The following SRSF4 variants were observed in gnomAD, a reference collection of about 807,000 sequenced individuals.
The protein encoded by SRSF4 is serine/arginine-rich splicing factor 4.
A neutral mutation model predicts 48.8 loss-of-function variants in SRSF4; 12 were observed. That is an observed-to-expected ratio of 0.25 (90% CI 0.16 to 0.40). SRSF4 has a LOEUF of 0.40. SRSF4 is among the 10% of genes least tolerant of loss of function. The probability of loss-of-function intolerance (pLI) is 1.00; values close to 1 mark genes in which losing one functional copy is unlikely to be tolerated. For missense variants in SRSF4, 466 were observed against 667.1 expected (o/e 0.70, Z 3.32); for synonymous variants, 248 against 232.5 (o/e 1.07, Z -0.61).
intron 1 of SRSF4, among the ~76,000 whole-genome samples, chr1:29,161,956 T>G (rs182134092): frequency 6.6e-6 from 1 of 152,358 alleles, no homozygotes; most frequent in East Asian, 1.9e-4. Flanking sequence ...AACTCAGAAT[T>G]GTGGAATTTT....
intron 1 of SRSF4, chr1:29,172,059 CAGAAAAAAATTAAATTCCCCATATATTGG>C (rs1420062683): frequency 1.3e-5 from 2 of 149,224 alleles, no homozygotes; most frequent in East Asian, 4.7e-4. Context: ...TTCAAAATGA[CAGAAAAAAATTAAATTCCCCATATATTGG>C]GGGAAAAAAA....
At chr1:29,176,236 A>G (rs1430387408) in intron 1 of SRSF4, among the ~76,000 whole-genome samples, 3 of 152,154 alleles carry the variant, frequency 2.0e-5, no homozygotes, top group South Asian at 2.1e-4. Flanking sequence ...TGGGCGACAG[A>G]GCAAGACTCC....
Position 29,148,602 on chromosome 1 carries a change from A to C in SRSF4, c.1293T>G (p.Ser431Arg). ...ESSQREGRGESENAGTNQETR... is the reference protein window; with the variant it reads ...ESSQREGRGERENAGTNQETR... The stretch of plus-strand genomic sequence containing the variant: ...TCTCCTGATTGGTGCCAGCATTCTC[A>C]CTCTCTCCTCGACCTTCCCTCTGGC... Residue 431 changes from serine to arginine, a missense_variant, in exon 6 of 6, where the codon AGT becomes AGG. Ser to Arg is a moderately radical substitution (Grantham distance 110). Coordinates refer to ENST00000373795, the MANE Select transcript of SRSF4 (RefSeq NM_005626.5). 1 of 1,613,440 alleles carries C rather than the reference A, an allele frequency of 6.2e-7. No individual in the cohort carries two copies. The highest frequency in any genetic ancestry group is 8.5e-7 in the Non-Finnish European group (1 of 1,179,836).
At chr1:29,174,583 T>C (rs1485713676) in intron 1 of SRSF4, among the ~76,000 whole-genome samples, 1 of 150,584 alleles carries the variant, frequency 6.6e-6, no homozygotes, top group African/African-American at 2.4e-5. Flanking sequence ...AACAAGCAAA[T>C]TATAAAATAA....
chr1:29,167,837 AT>A (rs1163728057), intron 1 of SRSF4, among the ~76,000 whole-genome samples: 1 of 152,176 alleles, frequency 6.6e-6, no homozygotes, highest in Non-Finnish European at 1.5e-5. Context: ...TATTTCATCC[AT>A]TTGTATATCA....
At chr1:29,169,753 A>G (rs1416630970) in intron 1 of SRSF4, 1 of 152,222 alleles carries the variant, frequency 6.6e-6, no homozygotes, top group Non-Finnish European at 1.5e-5. Context: ...TCCACATTGC[A>G]GATAACAGCC....
intron 1 of SRSF4, among the ~76,000 whole-genome samples, chr1:29,161,917 T>A (rs539978264): frequency 3.9e-5 from 6 of 152,252 alleles, no homozygotes; most frequent in Non-Finnish European, 1.5e-5. Flanking sequence ...AATGTGATGC[T>A]ATACTCAGTA....
At chr1:29,169,446 AGAGT>A (rs1672715045) in intron 1 of SRSF4, 1 of 152,244 alleles carries the variant, frequency 6.6e-6, no homozygotes, top group South Asian at 2.1e-4. Flanking sequence ...CTTATGAGAA[AGAGT>A]AAGTGGCAAG....
At chr1:29,167,021 C>T (rs1199459080) in intron 1 of SRSF4, 1 of 152,186 alleles carries the variant, frequency 6.6e-6, no homozygotes, top group Non-Finnish European at 1.5e-5. Flanking sequence ...TATTGGTTAC[C>T]CACTGGGTCT....
chr1:29,158,344 G>A (rs1672533077), intron 3 of SRSF4, among the ~76,000 whole-genome samples: 1 of 152,078 alleles, frequency 6.6e-6, no homozygotes, highest in African/African-American at 2.4e-5. Context: ...ATGTGAATTT[G>A]CATGTTATAG....
At chr1:29,171,027 T>C (rs1672737740) in intron 1 of SRSF4, 1 of 152,180 alleles carries the variant, frequency 6.6e-6, no homozygotes, top group Admixed American at 6.6e-5. Context: ...GGCATACAAA[T>C]TCAGAGCATA....
intron 1 of SRSF4, chr1:29,173,035 A>G (rs939377526): frequency 1.3e-5 from 2 of 152,122 alleles, no homozygotes; most frequent in African/African-American, 2.4e-5. Context: ...CACCCATCTT[A>G]AAAGGATGCT....
rs974883211 is a variant in SRSF4, at chr1:29,176,079, T to C, written c.107+5567A>G. Among the ~76,000 whole-genome samples, 17 of 151,800 alleles carry C rather than the reference T, an allele frequency of 1.1e-4. No homozygotes were observed. The East Asian group carries it at 3.1e-3, about 28-fold the overall frequency. On this transcript the variant is annotated intron_variant, in intron 1 of 5. Transcript: ENST00000373795. ...CATCCTGCCTAACACGGTGAAACCC[T>C]GTCTCTACTAAAAATACAAAAAATT... is the stretch of plus-strand genomic sequence containing the variant.
chr1:29,177,235 C>G (rs912260687), intron 1 of SRSF4, among the ~76,000 whole-genome samples: 5 of 151,472 alleles, frequency 3.3e-5, no homozygotes, highest in Non-Finnish European at 1.5e-5. Context: ...GCTTCCTTGA[C>G]GTGCATCTAG....
intron 1 of SRSF4, among the ~76,000 whole-genome samples, chr1:29,161,564 CCTG>C (rs538603857): frequency 4.2e-4 from 64 of 152,222 alleles, no homozygotes; most frequent in African/African-American, 1.5e-3. Flanking sequence ...GGTCACTCAG[CCTG>C]CTGACAAAAA....
At chr1:29,173,893 A>G (rs536989556) in intron 1 of SRSF4, among the ~76,000 whole-genome samples, 1 of 152,072 alleles carries the variant, frequency 6.6e-6, no homozygotes, top group East Asian at 1.9e-4. Context: ...ACTGTTCAGA[A>G]AAGTAGGAAC....
At chr1:29,173,466 C>CTTTTTTTTTT (rs748265951) in intron 1 of SRSF4, 1 of 73,068 alleles carries the variant, frequency 1.4e-5, no homozygotes, top group African/African-American at 5.2e-5. Flanking sequence ...TTTTTTTTTT[C>CTTTTTTTTTT]TTTTTTTTTT....
rs151202241 is a variant in SRSF4, at chr1:29,152,843, C to T, written c.578+1853G>A. Among the ~76,000 whole-genome samples, 1,475 of 151,142 alleles carry T rather than the reference C, an allele frequency of 9.8e-3. 6 individuals carry two copies. The highest frequency in any genetic ancestry group is 0.014 in the Non-Finnish European group (966 of 67,836). On this transcript the variant is annotated intron_variant, in intron 4 of 5. Coordinates refer to ENST00000373795, the MANE Select transcript of SRSF4 (RefSeq NM_005626.5). Reference sequence around the variant, plus strand: ...CTGAGGCAGGAGAATCGCTTGAACCCGGGAGGTGGAAGTTGCAGTAAGCCG... The same window carrying T: ...CTGAGGCAGGAGAATCGCTTGAACCTGGGAGGTGGAAGTTGCAGTAAGCCG...
In SRSF4 at chr1:29,159,440, A is replaced by G; in HGVS notation, c.297T>C (p.Pro99=). Reference sequence around the variant, plus strand: ...CAATAAGTCTGTACTCTGTGCGAGTAGGAGGGCCATATTTATCTCGGCCAC... The same window carrying G: ...CAATAAGTCTGTACTCTGTGCGAGTGGGAGGGCCATATTTATCTCGGCCAC... The part of the protein sequence containing the change: ...RRSGRDKYGP[P]TRTEYRLIVE... Residue 99 remains proline, a synonymous_variant, in exon 3 of 6, where the codon CCT becomes CCC. Coordinates refer to ENST00000373795, the MANE Select transcript of SRSF4 (RefSeq NM_005626.5). 1 of 1,614,102 alleles carries G rather than the reference A, an allele frequency of 6.2e-7. No individual in the cohort carries two copies. The highest frequency in any genetic ancestry group is 8.5e-7 in the Non-Finnish European group (1 of 1,179,980).
Sources: allele counts gnomAD v4.1 joint callset (sites outside exome capture counted in the v4.1 genomes callset), GRCh38; gene constraint gnomAD v4.1.1; transcripts MANE v1.5; gene names NCBI Gene and HGNC (gene_info 2026-07-23, HGNC 2026-07-21).